The following IL1RAPL2 variants were observed in gnomAD, a reference collection of about 807,000 sequenced individuals.
IL1RAPL2 encodes X-linked interleukin-1 receptor accessory protein-like 2.
A neutral mutation model predicts 44.1 loss-of-function variants in IL1RAPL2; 3 were observed. The ratio of observed to expected loss-of-function variants is 0.07; its 90% CI spans 0.03 to 0.18. The LOEUF (loss-of-function observed/expected upper bound fraction) is 0.18, where lower values mean the gene tolerates loss of function less well. Among genes scored for constraint, IL1RAPL2 ranks in the 10% least tolerant of loss-of-function variants. The pLI, the probability that IL1RAPL2 is intolerant of heterozygous loss-of-function variation, is 1.00. For synonymous variants in IL1RAPL2, 181 were observed against 178.8 expected, an observed-to-expected ratio of 1.01 and a Z score of -0.10; for missense variants, 391 against 496.4, an observed-to-expected ratio of 0.79 and a Z score of 2.02.
intron 6 of IL1RAPL2, among the ~76,000 whole-genome samples, chrX:105,643,639 A>T (rs1013779974): frequency 3.6e-5 from 4 of 111,905 alleles, no homozygotes; most frequent in African/African-American, 1.3e-4. Flanking sequence ...GCCTAGAATA[A>T]GTTTCACAAC....
At chrX:105,347,774 G>A (rs1262185827) in intron 5 of IL1RAPL2, among the ~76,000 whole-genome samples, 1 of 111,051 alleles carries the variant, frequency 9.0e-6, no homozygotes, top group East Asian at 2.9e-4. Flanking sequence ...CTTACTGTAG[G>A]ATGCTCATTT....
At chrX:104,808,248 A>G (rs751085302) in intron 2 of IL1RAPL2, among the ~76,000 whole-genome samples, 1 of 112,259 alleles carries the variant, frequency 8.9e-6, no homozygotes, top group East Asian at 2.8e-4. Flanking sequence ...GGGTTGCTTA[A>G]ACAATAGTTT....
At chrX:105,489,758 C>CTTTCTCTT (rs1556336665) in intron 6 of IL1RAPL2, among the ~76,000 whole-genome samples, 2,178 of 94,105 alleles carry the variant, frequency 0.023, 75 homozygotes, top group African/African-American at 0.085. Context: ...TTCTTTCTTT[C>CTTTCTCTT]TCTTTCTTTC....
intron 1 of IL1RAPL2, among the ~76,000 whole-genome samples, chrX:104,601,347 A>C (rs937181760): frequency 9.1e-6 from 1 of 109,521 alleles, no homozygotes; most frequent in African/African-American, 3.3e-5. Flanking sequence ...CCATTGTTCA[A>C]TTCCCACCTA....
At chrX:105,358,218 G>A (rs2035219208) in intron 5 of IL1RAPL2, among the ~76,000 whole-genome samples, 1 of 110,131 alleles carries the variant, frequency 9.1e-6, no homozygotes, top group Non-Finnish European at 1.9e-5. Flanking sequence ...TACCTCTGCT[G>A]TTCTCCAGAT....
chrX:104,583,288 A>C (rs894493500), intron 1 of IL1RAPL2, among the ~76,000 whole-genome samples: 2 of 111,467 alleles, frequency 1.8e-5, no homozygotes, highest in South Asian at 7.5e-4. Flanking sequence ...GTATAATTCA[A>C]TATTTTTTAG....
At chrX:105,404,859 A>G (rs1446395009) in intron 5 of IL1RAPL2, among the ~76,000 whole-genome samples, 1 of 112,061 alleles carries the variant, frequency 8.9e-6, no homozygotes, top group African/African-American at 3.2e-5. Flanking sequence ...TTATTTCGCC[A>G]TACTTTCACA....
chrX:104,685,183 G>T (rs1930962893), intron 2 of IL1RAPL2, among the ~76,000 whole-genome samples: 1 of 111,889 alleles, frequency 8.9e-6, no homozygotes, highest in Admixed American at 9.4e-5. Flanking sequence ...ATTACCTTTT[G>T]ATTCTCTTAA....
chrX:105,075,661 C>T (rs1296443074), intron 2 of IL1RAPL2, among the ~76,000 whole-genome samples: 1 of 111,963 alleles, frequency 8.9e-6, no homozygotes, highest in Non-Finnish European at 1.9e-5. Flanking sequence ...AGCTGTGAAT[C>T]CATCTGGTCC....
chrX:104,646,653 T>C (rs1365095901), intron 1 of IL1RAPL2, among the ~76,000 whole-genome samples: 1 of 112,139 alleles, frequency 8.9e-6, no homozygotes, highest in Non-Finnish European at 1.9e-5. Context: ...CTCTGCTCTG[T>C]GACTCTTCAT....
At chrX:104,868,772 C>T (rs923533671) in intron 2 of IL1RAPL2, among the ~76,000 whole-genome samples, 2 of 111,694 alleles carry the variant, frequency 1.8e-5, no homozygotes, top group African/African-American at 6.5e-5. Flanking sequence ...TTTTATTTTG[C>T]CAAATACACA....
At position 104,792,886 on chromosome X, in the gene IL1RAPL2, A is replaced by G. The variant is rs1426602526; in HGVS notation, c.82+133891A>G. Among the ~76,000 whole-genome samples, 12 of 112,474 alleles carry G rather than the reference A, an allele frequency of 1.1e-4. No homozygotes were observed. The East Asian group carries it at 3.1e-3, about 29-fold the overall frequency. ...TTTTAAAATGGATTTCCATCCATTG[A>G]TAAAGAAATAAATACCCAAAAGAAG... On this transcript the variant is annotated intron_variant, in intron 2 of 10. Transcript: ENST00000372582.
chrX:105,570,767 T>G (rs1398566266), intron 6 of IL1RAPL2, among the ~76,000 whole-genome samples: 1 of 111,791 alleles, frequency 8.9e-6, no homozygotes, highest in African/African-American at 3.2e-5. Context: ...TTATACATGT[T>G]TGCATCAGAA....
At chrX:105,219,800 AG>A (rs782424626) in intron 3 of IL1RAPL2, 1 of 1,147,173 alleles carries the variant, frequency 8.7e-7, no homozygotes, top group South Asian at 1.9e-5. Flanking sequence ...TCTGGGGGCA[AG>A]GCGGGAGCAC....
chrX:105,342,780 G>T (rs2035081392), intron 5 of IL1RAPL2, among the ~76,000 whole-genome samples: 1 of 111,999 alleles, frequency 8.9e-6, no homozygotes, highest in Non-Finnish European at 1.9e-5. Flanking sequence ...TCAAGACACA[G>T]CAGACCATTT....
chrX:104,617,299 T>C (rs941579868), intron 1 of IL1RAPL2, among the ~76,000 whole-genome samples: 5 of 112,084 alleles, frequency 4.5e-5, no homozygotes, highest in Admixed American at 9.5e-5. Context: ...TCTTTAAGAT[T>C]TTTTCTTTAG....
intron 6 of IL1RAPL2, among the ~76,000 whole-genome samples, chrX:105,660,261 G>C (rs1180507607): frequency 9.0e-6 from 1 of 111,375 alleles, no homozygotes; most frequent in Non-Finnish European, 1.9e-5. Context: ...CTGTATCCTA[G>C]AATAGTATAT....
chrX:105,278,832 C>G (rs2034505808), intron 5 of IL1RAPL2, among the ~76,000 whole-genome samples: 1 of 111,220 alleles, frequency 9.0e-6, no homozygotes, highest in Non-Finnish European at 1.9e-5. Context: ...TACAAATTAC[C>G]TGAATGGGTC....
chrX:105,231,260 T>C (rs1266562932), intron 3 of IL1RAPL2, among the ~76,000 whole-genome samples: 8 of 112,321 alleles, frequency 7.1e-5, no homozygotes, highest in Admixed American at 2.8e-4. Context: ...TTCTTGTCTT[T>C]CAGATGTAGC....
Sources: gnomAD v4.1 joint callset for allele counts (sites outside exome capture counted in the v4.1 genomes callset) on GRCh38, gnomAD v4.1.1 for gene constraint, MANE v1.5 for transcripts, NCBI Gene and HGNC (gene_info 2026-07-23, HGNC 2026-07-21) for gene names.